KBTBD3: variants seen among roughly 807,000 people sequenced by gnomAD.
The protein encoded by KBTBD3 is kelch repeat and BTB domain containing 3, also known as kelch repeat and BTB domain-containing protein 3.
A neutral mutation model predicts 49.6 loss-of-function variants in KBTBD3; 38 were observed. The ratio of observed to expected loss-of-function variants is 0.77; its 90% CI spans 0.59 to 1.00. The LOEUF is 1.00. Among genes scored for constraint, KBTBD3 ranks in the 50% least tolerant of loss-of-function variants. The probability of loss-of-function intolerance (pLI) is 0.00; values close to 1 mark genes in which losing one functional copy is unlikely to be tolerated. For synonymous variants in KBTBD3, 214 were observed against 250.4 expected, an observed-to-expected ratio of 0.85 and a Z score of 1.37; for missense variants, 661 against 712.0, an observed-to-expected ratio of 0.93 and a Z score of 0.81.
At chr11:106,065,958 CAAAAAA>C (rs55960503) in intron 2 of KBTBD3, among the ~76,000 whole-genome samples, 4 of 106,854 alleles carry the variant, frequency 3.7e-5, no homozygotes, top group Admixed American at 9.5e-5. Context: ...AAGACTGTCT[CAAAAAA>C]AAAAAAAAAA....
rs1860470231 is a variant in KBTBD3, at chr11:106,053,430, C to T, written c.1259G>A (p.Ser420Asn). Residue 420 changes from serine to asparagine, a missense_variant, in exon 4 of 4, where the codon AGT (serine) becomes AAT (asparagine). Ser to Asn is a conservative substitution (Grantham distance 46). Transcript: ENST00000531837. ...ATTGTAAGATTCAACATCTAAGAGACTTTTAATGTCCCGGGATCCTCTAGT... is the reference window on the plus strand; with the variant it reads ...ATTGTAAGATTCAACATCTAAGAGATTTTTAATGTCCCGGGATCCTCTAGT... ...GKTRGSRDIK[S>N]LLDVESYNPL... 1 of 1,613,582 alleles carries T rather than the reference C, an allele frequency of 6.2e-7. No homozygotes were observed. Among genetic ancestry groups the T allele is most frequent in the Non-Finnish European group, 8.5e-7 (1 of 1,179,796 alleles).
At position 106,053,237 on chromosome 11, in the gene KBTBD3, A is replaced by AT. The variant is rs1429453261; in HGVS notation, c.1451dup (p.Asp484GlufsTer5). 1 of 1,613,614 alleles carries AT rather than the reference A, an allele frequency of 6.2e-7. No homozygotes were observed. Among genetic ancestry groups the AT allele is most frequent in the Non-Finnish European group, 8.5e-7 (1 of 1,179,860 alleles). On this transcript the variant is annotated frameshift_variant, in exon 4 of 4. Coordinates refer to ENST00000531837, the MANE Select transcript of KBTBD3 (RefSeq NM_198439.3). LOFTEE classifies it high-confidence loss of function. The stretch of plus-strand genomic sequence containing the variant: ...ACTCTGCTACTAGTTCAGACCACTG[A>AT]TCAGTTGTAGCATTGTATTTAAAAA...
rs749552894 is a variant in KBTBD3 at position 106,053,694 on chromosome 11, AAATC to A, written c.991_994del (p.Asp331CysfsTer15). On this transcript the variant is annotated frameshift_variant, in exon 4 of 4. Transcript: ENST00000531837. LOFTEE classifies it high-confidence loss of function. ...GTAACTCGAAAGACTAGATCCTGGC[AAATC>A]AATCAGGTGTGATTGCGGCAGTATT... 1 of 1,613,744 alleles carries A rather than the reference AAATC, an allele frequency of 6.2e-7. No homozygotes were observed. Among genetic ancestry groups the A allele is most frequent in the African/African-American group, 1.3e-5 (1 of 75,032 alleles).
In KBTBD3 at chr11:106,054,235, C is replaced by T. The variant is rs767064493; in HGVS notation, c.454G>A (p.Val152Ile). ...SDFLIKSINL[V>I]NCLQLLSISD... is the part of the protein sequence containing the mutation. ...ATAGATAATAACTGTAAACAATTGA[C>T]AAGATTAATACTTTTTATTAAAAAG... Residue 152 changes from valine (V) to isoleucine (I), a missense_variant, in exon 4 of 4, where the codon GTC (valine) becomes ATC (isoleucine). Val to Ile is a conservative substitution (Grantham distance 29). Transcript: ENST00000531837. 6.2e-7 allele frequency: 1 copy of T among 1,611,820 alleles called. No homozygotes were observed. Among genetic ancestry groups the T allele is most frequent in the Admixed American group, 1.7e-5 (1 of 59,718 alleles).
intron 2 of KBTBD3, among the ~76,000 whole-genome samples, chr11:106,059,315 AG>A (rs1173166079): frequency 6.6e-6 from 1 of 152,232 alleles, no homozygotes; most frequent in African/African-American, 2.4e-5. Context: ...TTGGAATAAA[AG>A]TATATTTTTC....
intron 2 of KBTBD3, among the ~76,000 whole-genome samples, chr11:106,062,283 G>A (rs1417469316): frequency 6.6e-6 from 1 of 152,122 alleles, no homozygotes; most frequent in South Asian, 2.1e-4. Context: ...AAACCAATGT[G>A]ATGGATGAAG....
Position 106,074,119 on chromosome 11 carries a change from C to CG in KBTBD3, c.-13+2387_-13+2388insC, listed in dbSNP as rs556246889. Among the ~76,000 whole-genome samples the CG allele has an allele frequency of 1.0e-3, 93 of 88,814 alleles. 3 individuals carry two copies. The South Asian group carries it at 0.035, about 33-fold the overall frequency. The allele number at this position is 88,814 out of a possible 152,430, so 58.3% of individuals were successfully genotyped here. The stretch of plus-strand genomic sequence containing the variant: ...TACTTTAGAATGCCGAACACCCCCC[C>CG]CCACACACATACCCCTTCCTTCTCA... On this transcript the variant is annotated intron_variant, in intron 2 of 3. Coordinates refer to ENST00000531837, the MANE Select transcript of KBTBD3 (RefSeq NM_198439.3).
chr11:106,067,790 T>C lies in KBTBD3; in HGVS notation c.-12-8681A>G, dbSNP rs187828060. On this transcript the variant is annotated intron_variant, in intron 2 of 3. Transcript: ENST00000531837. ...GACTTCAATACTGACGTTGCAATAA[T>C]TGCACTAAATGTAAGTGGTCTACAT... Among the ~76,000 whole-genome samples, 1,352 of 151,910 alleles carry C rather than the reference T, an allele frequency of 8.9e-3. 23 individuals carry two copies. Among genetic ancestry groups the C allele is most frequent in the African/African-American group, 0.031 (1,304 of 41,416 alleles).
rs1482163837 is a variant in KBTBD3, at chr11:106,052,864, T to G, written c.1825A>C (p.Asn609His). 1 of 1,610,770 alleles carries G rather than the reference T, an allele frequency of 6.2e-7. No homozygotes were observed. Among genetic ancestry groups the G allele is most frequent in the African/African-American group, 1.3e-5 (1 of 74,702 alleles). Residue 609 changes from asparagine to histidine, a missense_variant, in exon 4 of 4, where the codon AAT (asparagine) becomes CAT (histidine). Asn to His is a moderately conservative substitution (Grantham distance 68). Coordinates refer to ENST00000531837, the MANE Select transcript of KBTBD3 (RefSeq NM_198439.3). ...FNKYRDPWFS[N>H]LCA Reference sequence around the variant, plus strand: ...TTTTAGAATGTTCAAGCACATAGATTAGAAAACCATGGGTCTCTGTATTTA... The same window carrying G: ...TTTTAGAATGTTCAAGCACATAGATGAGAAAACCATGGGTCTCTGTATTTA...
chr11:106,060,095 C>T (rs367886417), intron 2 of KBTBD3, among the ~76,000 whole-genome samples: 6 of 151,992 alleles, frequency 3.9e-5, no homozygotes, highest in South Asian at 2.1e-4. Context: ...TCCTCATTCA[C>T]GTTTCTTATG....
At chr11:106,075,339 G>T (rs1288351752) in intron 2 of KBTBD3, among the ~76,000 whole-genome samples, 2 of 152,162 alleles carry the variant, frequency 1.3e-5, no homozygotes, top group African/African-American at 4.8e-5. Context: ...AAGGCAGATA[G>T]AATATAAAAA....
chr11:106,059,815 T>C (rs1423976564), intron 2 of KBTBD3, among the ~76,000 whole-genome samples: 1 of 152,184 alleles, frequency 6.6e-6, no homozygotes, highest in African/African-American at 2.4e-5. Context: ...AACATAAAAG[T>C]TGCATCATCA....
intron 2 of KBTBD3, among the ~76,000 whole-genome samples, chr11:106,067,560 G>A (rs1218404638): frequency 6.6e-6 from 1 of 150,804 alleles, no homozygotes; most frequent in African/African-American, 2.4e-5. Context: ...GCAGTGAGCC[G>A]AGATCGTGCC....
At chr11:106,069,540 G>A (rs79963905) in intron 2 of KBTBD3, among the ~76,000 whole-genome samples, 1,964 of 151,142 alleles carry the variant, frequency 0.013, 51 homozygotes, top group African/African-American at 0.046. Flanking sequence ...AAATACTTAC[G>A]TATAAATCTA....
At chr11:106,061,414 C>G (rs1437973431) in intron 2 of KBTBD3, among the ~76,000 whole-genome samples, 1 of 152,186 alleles carries the variant, frequency 6.6e-6, no homozygotes, top group Admixed American at 6.5e-5. Context: ...AGTGGTCAGT[C>G]ATATGTGGTG....
At chr11:106,056,262 T>C (rs1591533714) in intron 3 of KBTBD3, among the ~76,000 whole-genome samples, 2 of 152,324 alleles carry the variant, frequency 1.3e-5, no homozygotes, top group East Asian at 1.9e-4. Context: ...TAAAGTACTA[T>C]ATGTAATAAA....
Position 106,065,980 on chromosome 11 carries a change from A to T in KBTBD3, c.-12-6871T>A, listed in dbSNP as rs868677540. ...TCTCAAAAAAAAAAAAAAAAAAAAA[A>T]TCATCAGGTGGGGCCTAGAGGAGCA... is the stretch of plus-strand genomic sequence containing the variant. On this transcript the variant is annotated intron_variant, in intron 2 of 3. Coordinates refer to ENST00000531837, the MANE Select transcript of KBTBD3 (RefSeq NM_198439.3). 3.5e-3 allele frequency among the ~76,000 whole-genome samples: 482 copies of T among 136,866 alleles called. 3 individuals carry two copies. The highest frequency in any genetic ancestry group is 0.013 in the African/African-American group (456 of 34,684). 89.8% of individuals were successfully genotyped at this position (136,866 alleles called of 152,430 possible).
chr11:106,053,711 T>C lies in KBTBD3; in HGVS notation c.978A>G (p.Gln326=), dbSNP rs756921366. ...ATCCTGGCAAATCAATCAGGTGTGA[T>C]TGCGGCAGTATTTTCCATGAATCAG... ...IKSDSWKILP[Q]SHLIDLPGSS... is the part of the protein sequence containing the mutation. The change falls in exon 4 of 4, where the codon CAA becomes CAG. Residue 326 remains glutamine, a synonymous_variant. Transcript: ENST00000531837. The C allele has an allele frequency of 6.8e-6, 11 of 1,613,670 alleles. No homozygotes were observed. Among genetic ancestry groups the C allele is most frequent in the Middle Eastern group, 1.6e-4 (1 of 6,062 alleles).
intron 2 of KBTBD3, among the ~76,000 whole-genome samples, chr11:106,070,943 C>T: frequency 6.6e-6 from 1 of 152,090 alleles, no homozygotes; most frequent in East Asian, 1.9e-4. Context: ...GAGAAAATTA[C>T]AAGAAACTAC....
Sources: allele counts gnomAD v4.1 joint callset (sites outside exome capture counted in the v4.1 genomes callset), GRCh38; gene constraint gnomAD v4.1.1; transcripts MANE v1.5; gene names NCBI Gene and HGNC (gene_info 2026-07-23, HGNC 2026-07-21).